Variants in ACVR2B observed in about 807,000 individuals in gnomAD.
ACVR2B encodes the protein activin receptor type-2B.
A neutral mutation model predicts 65.1 loss-of-function variants in ACVR2B; 18 were observed. That is an observed-to-expected ratio of 0.28 (90% CI 0.19 to 0.41). The LOEUF (loss-of-function observed/expected upper bound fraction) is 0.41. Ranked by LOEUF, ACVR2B falls within the 10% of genes least tolerant of loss-of-function variation. The pLI, the probability that ACVR2B is intolerant of heterozygous loss-of-function variation, is 1.00. For synonymous variants in ACVR2B, 298 were observed against 277.7 expected, an observed-to-expected ratio of 1.07 and a Z score of -0.73; for missense variants, 482 against 682.7, an observed-to-expected ratio of 0.71 and a Z score of 3.28.
chr3:38,478,617 G>A (rs1298435014), intron 5 of ACVR2B, 99 bp downstream of exon 5: 8 of 1,546,964 alleles, frequency 5.2e-6, no homozygotes, highest in African/African-American at 1.4e-5. Context: ...AAATAATATT[G>A]TGGTATGAGA....
At chr3:38,455,567 T>C (rs1473742423) in intron 1 of ACVR2B, among the ~76,000 whole-genome samples, 1 of 151,674 alleles carries the variant, frequency 6.6e-6, no homozygotes, top group African/African-American at 2.4e-5. Context: ...TTCTACCTTC[T>C]CCTGTGCGTC....
At chr3:38,456,525 C>A (rs1252525981) in intron 1 of ACVR2B, among the ~76,000 whole-genome samples, 1 of 152,186 alleles carries the variant, frequency 6.6e-6, no homozygotes, top group African/African-American at 2.4e-5. Flanking sequence ...TTAGCTGGGG[C>A]TGCCATAACA....
chr3:38,478,506 C>T lies in ACVR2B; in HGVS notation c.654C>T (p.Ile218=), dbSNP rs140960003. Residue 218 remains isoleucine, a synonymous_variant, in exon 5 of 11, where the codon ATC becomes ATT. Transcript: ENST00000352511. ...QLMNDFVAVK[I]FPLQDKQSWQ... ...TGAATGACTTTGTAGCTGTCAAGAT[C>T]TTCCCACTCCAGGTGAGTGTTTGAG... 31 of 1,614,150 alleles carry T rather than the reference C, an allele frequency of 1.9e-5. 2 individuals are homozygous for T. In the South Asian group the frequency reaches 3.2e-4, roughly 17 times the overall value.
rs1186580074 is a variant in ACVR2B at position 38,453,957 on chromosome 3, C to T, written c.-366C>T. The stretch of plus-strand genomic sequence containing the variant: ...GGTTCAGCTCCCCTCCCCCCCACCC[C>T]TCCCCCCGTTCATGGCCCCTCCGGA... On this transcript the variant is annotated 5_prime_UTR_variant, in exon 1 of 11. Transcript: ENST00000352511. 2 of 148,326 alleles carry T rather than the reference C, an allele frequency of 1.3e-5. No individual in the cohort carries two copies. Among genetic ancestry groups the T allele is most frequent in the Admixed American group, 6.6e-5 (1 of 15,056 alleles). 9.2% of individuals were successfully genotyped at this position (148,326 alleles called of 1,614,324 possible). A position where few individuals can be genotyped will look rare whatever the true frequency, so the allele number is the denominator to read the frequency against.
At position 38,454,165 on chromosome 3, in the gene ACVR2B, C is replaced by A; in HGVS notation, c.-158C>A. On this transcript the variant is annotated 5_prime_UTR_variant, in exon 1 of 11. Transcript: ENST00000352511. The stretch of plus-strand genomic sequence containing the variant: ...CGCCGACCGGCCCTTGGAGCCCGAA[C>A]GCTGCTCGGGGACGAAGGCGCAGGA... The A allele has an allele frequency of 2.3e-6, 1 of 432,128 alleles. No homozygotes were observed. Among genetic ancestry groups the A allele is most frequent in the Non-Finnish European group, 3.3e-6 (1 of 304,492 alleles). The allele number at this position is 432,128 out of a possible 1,614,324, so 26.8% of individuals were successfully genotyped here.
chr3:38,463,965 T>G (rs1709689590), intron 1 of ACVR2B, among the ~76,000 whole-genome samples: 1 of 152,242 alleles, frequency 6.6e-6, no homozygotes, highest in Non-Finnish European at 1.5e-5. Context: ...GTGTCTCTTC[T>G]TATAAAGATA....
rs1709498935 is a variant in ACVR2B, at chr3:38,454,126, C to T, written c.-197C>T. On this transcript the variant is annotated 5_prime_UTR_variant, in exon 1 of 11. Coordinates refer to ENST00000352511, the MANE Select transcript of ACVR2B (RefSeq NM_001106.4). Reference sequence around the variant, plus strand: ...CGCAGCCTGCGCCGCCCGCAGCGGCCCTGAGCCCGGCCCCGCCGACCGGCC... The same window carrying T: ...CGCAGCCTGCGCCGCCCGCAGCGGCTCTGAGCCCGGCCCCGCCGACCGGCC... 4.5e-6 allele frequency: 1 copy of T among 223,412 alleles called. No individual in the cohort carries two copies. Among genetic ancestry groups the T allele is most frequent in the Non-Finnish European group, 7.8e-6 (1 of 128,356 alleles). 13.8% of individuals were successfully genotyped at this position (223,412 alleles called of 1,614,324 possible).
At chr3:38,459,739 G>T in intron 1 of ACVR2B, 3 of 927,716 alleles carry the variant, frequency 3.2e-6, no homozygotes, top group Non-Finnish European at 3.9e-6. Flanking sequence ...ATGGGAATCT[G>T]AGGGCAGGGC....
chr3:38,481,604 T>TAAG lies in ACVR2B; in HGVS notation c.1074+139_1074+140insAAG. ...TGTCTGAGAACTTAGAGCAATGCTC[T>TAAG]TGTTTGACCAGTGGAGAAACCAAGA... On this transcript the variant is annotated intron_variant, in intron 8 of 10. Transcript: ENST00000352511. This position sits in a 1 kb window ranked among gnomAD's most constrained non-coding sequence, Gnocchi z 4.7. 2.7e-6 allele frequency: 2 copies of TAAG among 733,116 alleles called. No individual in the cohort carries two copies. The highest frequency in any genetic ancestry group is 4.8e-6 in the Non-Finnish European group (2 of 414,770). The allele number at this position is 733,116 out of a possible 1,614,324, so 45.4% of individuals were successfully genotyped here.
intron 1 of ACVR2B, among the ~76,000 whole-genome samples, chr3:38,459,361 C>G (rs1259949480): frequency 6.6e-6 from 1 of 152,224 alleles, no homozygotes; most frequent in Non-Finnish European, 1.5e-5. Flanking sequence ...GGCTGGGCAG[C>G]CTGCCTGCCC....
intron 1 of ACVR2B, chr3:38,474,602 T>G (rs1341698046): frequency 6.6e-6 from 1 of 152,264 alleles, no homozygotes; most frequent in Non-Finnish European, 1.5e-5. Flanking sequence ...ATTTAGAAAG[T>G]AGTTGTCGAG....
chr3:38,467,486 T>A (rs1166250374), intron 1 of ACVR2B, among the ~76,000 whole-genome samples: 1 of 151,426 alleles, frequency 6.6e-6, no homozygotes, highest in Admixed American at 6.6e-5. Flanking sequence ...GTGCAGTGGC[T>A]CATGCCTGTA....
chr3:38,454,185 G>C lies in ACVR2B; in HGVS notation c.-138G>C, dbSNP rs1403550924. On this transcript the variant is annotated 5_prime_UTR_variant, in exon 1 of 11. Transcript: ENST00000352511. ...CCGAACGCTGCTCGGGGACGAAGGC[G>C]CAGGAAGCGCGCAGGGAACGAGACC... 2 of 573,982 alleles carry C rather than the reference G, an allele frequency of 3.5e-6. No individual in the cohort carries two copies. Among genetic ancestry groups the C allele is most frequent in the East Asian group, 6.9e-5 (1 of 14,470 alleles). 35.6% of individuals were successfully genotyped at this position (573,982 alleles called of 1,614,324 possible). A position where few individuals can be genotyped will look rare whatever the true frequency, so the allele number is the denominator to read the frequency against.
At chr3:38,470,022 A>G (rs534514077) in intron 1 of ACVR2B, among the ~76,000 whole-genome samples, 21 of 152,326 alleles carry the variant, frequency 1.4e-4, no homozygotes, top group Admixed American at 1.1e-3. Context: ...AGAATTCGTG[A>G]ATTGGAAGTT....
At chr3:38,461,828 A>C (rs1709652530) in intron 1 of ACVR2B, among the ~76,000 whole-genome samples, 2 of 152,152 alleles carry the variant, frequency 1.3e-5, no homozygotes, top group South Asian at 4.2e-4. Context: ...TCCAAAGGTA[A>C]TCCTTTTAAG....
rs753483029 is a variant in ACVR2B, at chr3:38,482,355, C to T, written c.1213+19C>T. On this transcript the variant is annotated intron_variant, in intron 9 of 10. Coordinates refer to ENST00000352511, the MANE Select transcript of ACVR2B (RefSeq NM_001106.4). The stretch of plus-strand genomic sequence containing the variant: ...GCAGACGGTAAGTAGGATGGCAGCC[C>T]TGGGCATCCTAGATTGAGTGATAGG... The T allele has an allele frequency of 1.4e-5, 23 of 1,609,402 alleles. No individual in the cohort carries two copies. In the East Asian group the frequency reaches 4.2e-4, roughly 30 times the overall value.
chr3:38,480,410 G>A (rs1709997930), intron 7 of ACVR2B, among the ~76,000 whole-genome samples: 1 of 152,236 alleles, frequency 6.6e-6, no homozygotes, highest in South Asian at 2.1e-4. Context: ...ATGGCAGGCA[G>A]TGCTCTAAAC....
intron 1 of ACVR2B, among the ~76,000 whole-genome samples, chr3:38,464,893 A>G (rs547134945): frequency 6.6e-6 from 1 of 152,266 alleles, no homozygotes; most frequent in East Asian, 1.9e-4. Flanking sequence ...CCCCATCTCC[A>G]AAACAGAAAA....
Position 38,478,175 on chromosome 3 carries a change from G to A in ACVR2B, c.405G>A (p.Leu135=), listed in dbSNP as rs1228814148. Residue 135 remains leucine (L), a synonymous_variant, in exon 4 of 11, where the codon CTG becomes CTA. Transcript: ENST00000352511. ...TYEPPPTAPT[L]LTVLAYSLLP... ...AGCCACCCCCGACAGCCCCCACCCTGCTCACGGTGCTGGCCTACTCACTGC... is the reference window on the plus strand; with the variant it reads ...AGCCACCCCCGACAGCCCCCACCCTACTCACGGTGCTGGCCTACTCACTGC... The A allele has an allele frequency of 6.2e-7, 1 of 1,613,218 alleles. No individual in the cohort carries two copies. The highest frequency in any genetic ancestry group is 1.8e-4 in the Middle Eastern group (1 of 5,434).
Sources: allele counts gnomAD v4.1 joint callset (sites outside exome capture counted in the v4.1 genomes callset), GRCh38; gene constraint gnomAD v4.1.1; non-coding constraint Gnocchi (gnomAD v3.1); transcripts MANE v1.5; gene names NCBI Gene and HGNC (gene_info 2026-07-23, HGNC 2026-07-21).